The following PUDP variants were observed in gnomAD, a reference collection of about 807,000 sequenced individuals.
PUDP encodes the protein pseudouridine 5'-phosphatase, also known as pseudouridine-5'-phosphatase.
PUDP carries 8 observed loss-of-function variants against 9.4 expected under a neutral mutation model. The ratio of observed to expected loss-of-function variants is 0.85; its 90% confidence interval spans 0.50 to 1.53. The LOEUF is 1.53. Ranked by LOEUF, PUDP falls within the 40% of genes most tolerant of loss-of-function variation. The pLI is 0.00. For synonymous variants in PUDP, 99 were observed against 80.7 expected, an observed-to-expected ratio of 1.23 and a Z score of -1.22; for missense variants, 188 against 189.7, an observed-to-expected ratio of 0.99 and a Z score of 0.05.
At chrX:6,847,206 C>A (rs1411508670) in intron 3 of PUDP, among the ~76,000 whole-genome samples, 1 of 111,238 alleles carries the variant, frequency 9.0e-6, no homozygotes, top group South Asian at 3.8e-4. Context: ...TTCCCTTTCT[C>A]GAAGGCAGGT....
intron 3 of PUDP, among the ~76,000 whole-genome samples, chrX:7,067,554 A>G (rs4830390): frequency 0.25 from 27,308 of 110,830 alleles, 2,644 homozygotes; most frequent in Admixed American, 0.41. Context: ...CTGATGATGT[A>G]CCCAAGGGGA....
At chrX:6,870,430 T>C (rs1927157582) in intron 3 of PUDP, among the ~76,000 whole-genome samples, 1 of 111,644 alleles carries the variant, frequency 9.0e-6, no homozygotes, top group African/African-American at 3.3e-5. Flanking sequence ...ATATGATGAT[T>C]TTATAAGGGG....
At chrX:7,067,605 A>T (rs1029436772) in intron 3 of PUDP, among the ~76,000 whole-genome samples, 1 of 112,019 alleles carries the variant, frequency 8.9e-6, no homozygotes, top group East Asian at 2.8e-4. Context: ...CTCCCCATTG[A>T]CATCACTGCA....
intron 3 of PUDP, among the ~76,000 whole-genome samples, chrX:6,836,216 G>A (rs746688078): frequency 4.5e-5 from 5 of 111,350 alleles, no homozygotes; most frequent in African/African-American, 9.8e-5. Context: ...TTACAGATTC[G>A]TAATTTCCTT....
intron 3 of PUDP, among the ~76,000 whole-genome samples, chrX:6,946,197 A>C (rs1928462320): frequency 8.9e-6 from 1 of 111,874 alleles, no homozygotes; most frequent in East Asian, 2.8e-4. Flanking sequence ...TGACATCAGA[A>C]GGCTGAGAAC....
rs190987346 is a variant in PUDP at position 6,891,047 on chromosome X, T to G, written c.*247+86086A>C. ...TGGGAGGATCACTTGAGCTCAGGAG[T>G]TGGAAGCTGCAGTGAGCTGATTGCA... is the stretch of plus-strand genomic sequence containing the variant. On this transcript the variant is annotated intron_variant and NMD_transcript_variant, in intron 3 of 3. Transcript: ENST00000655425. Among the ~76,000 whole-genome samples the G allele has an allele frequency of 1.5e-4, 16 of 107,097 alleles. No homozygotes were observed. The East Asian group carries it at 4.4e-3, about 29-fold the overall frequency. The allele number at this position is 107,097 out of a possible 115,157, so 93.0% of individuals were successfully genotyped here.
At chrX:7,074,831 C>T (rs1400543598) in intron 3 of PUDP, among the ~76,000 whole-genome samples, 1 of 112,359 alleles carries the variant, frequency 8.9e-6, no homozygotes, top group African/African-American at 3.2e-5. Context: ...TACATGTTCC[C>T]ACTGGGAGCT....
chrX:6,800,027 C>G (rs1381302645), intron 3 of PUDP, among the ~76,000 whole-genome samples: 3 of 111,449 alleles, frequency 2.7e-5, no homozygotes, highest in Admixed American at 9.5e-5. Flanking sequence ...ACTAGGTTTT[C>G]TTCACTGAAG....
chrX:7,143,818 G>A (rs1335346547), intron 1 of PUDP, among the ~76,000 whole-genome samples: 2 of 111,805 alleles, frequency 1.8e-5, no homozygotes, highest in Non-Finnish European at 3.8e-5. Context: ...GCCAATCATG[G>A]CCCCTGAGAT....
chrX:7,108,128 A>G (rs1406236241), intron 1 of PUDP, among the ~76,000 whole-genome samples: 2 of 112,704 alleles, frequency 1.8e-5, no homozygotes, highest in Non-Finnish European at 3.8e-5. Context: ...GTCTTGAGAA[A>G]AAGTTTTCCG....
chrX:6,907,854 CAT>C (rs976612063), intron 3 of PUDP, among the ~76,000 whole-genome samples: 1 of 111,830 alleles, frequency 8.9e-6, no homozygotes, highest in African/African-American at 3.2e-5. Context: ...AAGGGGGCAA[CAT>C]AAACAGAAAA....
chrX:6,756,080 C>G (rs1219775690), intron 3 of PUDP, among the ~76,000 whole-genome samples: 2 of 110,334 alleles, frequency 1.8e-5, no homozygotes, highest in Non-Finnish European at 3.8e-5. Context: ...GAAAGAGATT[C>G]CCCATAAACT....
intron 3 of PUDP, among the ~76,000 whole-genome samples, chrX:6,966,880 G>T (rs1026558726): frequency 8.9e-6 from 1 of 111,773 alleles, no homozygotes; most frequent in African/African-American, 3.3e-5. Flanking sequence ...GGATGGTGAG[G>T]AACAGGGATG....
At chrX:6,830,398 C>T (rs112886914) in intron 3 of PUDP, among the ~76,000 whole-genome samples, 11,470 of 111,193 alleles carry the variant, frequency 0.1, 598 homozygotes, top group African/African-American at 0.2. Flanking sequence ...AGGTTACCTG[C>T]AAGAAGTCAG....
intron 3 of PUDP, among the ~76,000 whole-genome samples, chrX:6,880,620 G>C (rs970176575): frequency 8.9e-6 from 1 of 112,058 alleles, no homozygotes; most frequent in Non-Finnish European, 1.9e-5. Flanking sequence ...TCTATGTCTG[G>C]TATGGAGCAC....
chrX:6,734,303 A>C (rs1924848168), intron 3 of PUDP, among the ~76,000 whole-genome samples: 1 of 111,952 alleles, frequency 8.9e-6, no homozygotes, highest in African/African-American at 3.2e-5. Context: ...AGTTAATAAA[A>C]ATTTATTGCA....
intron 3 of PUDP, among the ~76,000 whole-genome samples, chrX:7,054,013 A>G (rs1019067043): frequency 1.8e-5 from 2 of 112,357 alleles, no homozygotes; most frequent in Non-Finnish European, 1.9e-5. Context: ...AATACTACAC[A>G]CAACATGTAA....
rs180863398 is a variant in PUDP, at chrX:7,067,984, C to T, written c.510+9236G>A. Among the ~76,000 whole-genome samples the T allele has an allele frequency of 2.5e-4, 28 of 111,664 alleles. 1 individual carries two copies. The East Asian group carries it at 7.6e-3, about 30-fold the overall frequency. ...CCATGTAAGACATGACTTGCTGCTC[C>T]TTGCCTTCCGCCATGATTGTGAGGC... is the stretch of plus-strand genomic sequence containing the variant. On this transcript the variant is annotated intron_variant, in intron 3 of 3. Transcript: ENST00000381077.
chrX:6,718,377 T>C (rs2146653949), intron 1 of PUDP, among the ~76,000 whole-genome samples: 1 of 111,988 alleles, frequency 8.9e-6, no homozygotes, highest in South Asian at 3.7e-4. Context: ...ATAAAGAAAA[T>C]CTGGTATACA....
Sources: gnomAD v4.1 joint callset for allele counts (sites outside exome capture counted in the v4.1 genomes callset) on GRCh38, gnomAD v4.1.1 for gene constraint, MANE v1.5 for transcripts, NCBI Gene and HGNC (gene_info 2026-07-23, HGNC 2026-07-21) for gene names.